Variants in HPGDS observed in about 807,000 individuals in gnomAD.
HPGDS encodes the protein hematopoietic prostaglandin D synthase, also known as GST class-sigma.
HPGDS carries 26 observed loss-of-function variants against 23.1 expected under a neutral mutation model. The ratio of observed to expected loss-of-function variants is 1.13; its 90% CI spans 0.83 to 1.56. The LOEUF (loss-of-function observed/expected upper bound fraction) is 1.56. Ranked by LOEUF, HPGDS falls within the 40% of genes most tolerant of loss-of-function variation. The probability of loss-of-function intolerance (pLI) is 0.00; values close to 1 mark genes in which losing one functional copy is unlikely to be tolerated. For synonymous variants in HPGDS, 95 were observed against 77.9 expected (o/e 1.22, Z -1.16); for missense variants, 268 against 236.4 (o/e 1.13, Z -0.88).
intron 2 of HPGDS, among the ~76,000 whole-genome samples, chr4:94,322,703 C>T (rs1031628742): frequency 6.6e-6 from 1 of 151,988 alleles, no homozygotes; most frequent in Non-Finnish European, 1.5e-5. Flanking sequence ...TTGATCTTTT[C>T]AAAAAATAAG....
intron 3 of HPGDS, among the ~76,000 whole-genome samples, chr4:94,312,124 G>A (rs1039681618): frequency 1.3e-5 from 2 of 151,930 alleles, no homozygotes; most frequent in Non-Finnish European, 2.9e-5. Flanking sequence ...AGGGTTTTTT[G>A]TGTCTCTATC....
At chr4:94,312,989 G>A (rs1167018662) in intron 3 of HPGDS, among the ~76,000 whole-genome samples, 2 of 151,790 alleles carry the variant, frequency 1.3e-5, no homozygotes, top group African/African-American at 4.8e-5. Flanking sequence ...CCATTTGCTT[G>A]GTAGATCTTC....
At chr4:94,325,824 G>C (rs1756619693) in intron 2 of HPGDS, among the ~76,000 whole-genome samples, 1 of 152,142 alleles carries the variant, frequency 6.6e-6, no homozygotes, top group South Asian at 2.1e-4. Context: ...GATGAACCAG[G>C]TACCTCAGTT....
chr4:94,302,309 A>AATCTACTTCCTCCTC, intron 4 of HPGDS, 65 bp from the exon 5 acceptor site: 12 of 1,105,364 alleles, frequency 1.1e-5, no homozygotes, highest in Non-Finnish European at 1.6e-5. Flanking sequence ...TCTGAGGAGG[A>AATCTACTTCCTCCTC]AGTAGATTTC....
chr4:94,329,077 C>T (rs963769738), intron 2 of HPGDS, among the ~76,000 whole-genome samples: 2 of 152,130 alleles, frequency 1.3e-5, no homozygotes, highest in African/African-American at 4.8e-5. Context: ...GTTGGGATGC[C>T]TTATTTGAAG....
chr4:94,325,073 A>G (rs1247544244), intron 2 of HPGDS, among the ~76,000 whole-genome samples: 3 of 152,184 alleles, frequency 2.0e-5, no homozygotes, highest in African/African-American at 4.8e-5. Flanking sequence ...CCTGTTTGCC[A>G]TTATATCACC....
At position 94,308,747 on chromosome 4, in the gene HPGDS, T is replaced by C; in HGVS notation, c.227-4A>G. The C allele has an allele frequency of 6.6e-7, 1 of 1,505,956 alleles. No individual in the cohort carries two copies. The allele number at this position is 1,505,956 out of a possible 1,614,324, so 93.3% of individuals were successfully genotyped here. A position where few individuals can be genotyped will look rare whatever the true frequency, so the allele number is the denominator to read the frequency against. ...ATTTCTGTGTTTCCAGCCAAATCTG[T>C]GGAATAGAGAGAGGCCCATCAATAT... On this transcript the variant is annotated splice_polypyrimidine_tract_variant and splice_region_variant and intron_variant, in intron 3 of 5. Coordinates refer to ENST00000295256, the MANE Select transcript of HPGDS (RefSeq NM_014485.3).
intron 2 of HPGDS, among the ~76,000 whole-genome samples, chr4:94,323,063 T>C (rs1452578701): frequency 2.6e-5 from 4 of 152,192 alleles, no homozygotes; most frequent in Non-Finnish European, 4.4e-5. Flanking sequence ...TTCCATGTAT[T>C]TGTGTGGTTT....
At chr4:94,329,643 G>A (rs887045400) in intron 2 of HPGDS, among the ~76,000 whole-genome samples, 16 of 152,264 alleles carry the variant, frequency 1.1e-4, no homozygotes, top group African/African-American at 3.9e-4. Flanking sequence ...AATTTTGTTC[G>A]CATTAGAGCC....
intron 4 of HPGDS, among the ~76,000 whole-genome samples, chr4:94,305,945 C>T (rs1371654250): frequency 6.6e-6 from 1 of 152,064 alleles, no homozygotes; most frequent in African/African-American, 2.4e-5. Flanking sequence ...TTCTGTTTCT[C>T]AGTGTCTTCA....
chr4:94,311,533 A>C (rs918167076), intron 3 of HPGDS, among the ~76,000 whole-genome samples: 1 of 151,238 alleles, frequency 6.6e-6, no homozygotes, highest in East Asian at 1.9e-4. Flanking sequence ...TGCTGGATTC[A>C]GTTTGCCAGT....
intron 3 of HPGDS, among the ~76,000 whole-genome samples, chr4:94,313,379 T>G (rs1182374928): frequency 6.6e-6 from 1 of 152,202 alleles, no homozygotes; most frequent in Non-Finnish European, 1.5e-5. Context: ...AAGGATTTTA[T>G]TTTTCCTTCA....
chr4:94,318,790 G>T (rs1560589744), intron 2 of HPGDS, among the ~76,000 whole-genome samples: 2 of 152,084 alleles, frequency 1.3e-5, no homozygotes, highest in Non-Finnish European at 2.9e-5. Context: ...TCAGCTCACT[G>T]CAACTTCCAC....
rs143156942 is a variant in HPGDS, at chr4:94,307,257, T to C, written c.336+1377A>G. 3.9e-3 allele frequency among the ~76,000 whole-genome samples: 591 copies of C among 151,330 alleles called. 3 individuals are homozygous for C. The highest frequency in any genetic ancestry group is 6.5e-3 in the Non-Finnish European group (438 of 67,880). On this transcript the variant is annotated intron_variant, in intron 4 of 5. Coordinates refer to ENST00000295256, the MANE Select transcript of HPGDS (RefSeq NM_014485.3). ...TATGACCAGTAAGCTCTTAGAGGAC[T>C]GTTCCACAAAAGCAAGGAAAGAAAA...
intron 2 of HPGDS, among the ~76,000 whole-genome samples, chr4:94,324,192 A>AT (rs1302436082): frequency 6.6e-6 from 1 of 151,792 alleles, no homozygotes; most frequent in African/African-American, 2.4e-5. Flanking sequence ...TGCCCTTAAC[A>AT]TTTTTTCCTT....
At chr4:94,336,861 C>A (rs79474435) in intron 1 of HPGDS, among the ~76,000 whole-genome samples, 1 of 152,046 alleles carries the variant, frequency 6.6e-6, no homozygotes, top group Non-Finnish European at 1.5e-5. Context: ...AATTCCTGGA[C>A]GTATTTGTTT....
At chr4:94,322,019 G>A (rs548842673) in intron 2 of HPGDS, among the ~76,000 whole-genome samples, 46 of 152,114 alleles carry the variant, frequency 3.0e-4, no homozygotes, top group Admixed American at 7.9e-4. Flanking sequence ...CTATTGAGAC[G>A]ATCATGTGGT....
intron 2 of HPGDS, among the ~76,000 whole-genome samples, chr4:94,323,628 C>T (rs1688063736): frequency 6.6e-6 from 1 of 152,114 alleles, no homozygotes; most frequent in Non-Finnish European, 1.5e-5. Context: ...AGATCTTCCT[C>T]CATCCCTTTA....
At chr4:94,302,863 T>A (rs1253762005) in intron 4 of HPGDS, among the ~76,000 whole-genome samples, 1 of 152,072 alleles carries the variant, frequency 6.6e-6, no homozygotes, top group Non-Finnish European at 1.5e-5. Flanking sequence ...ATTAACATCC[T>A]TAGGAAAATA....
Sources: allele counts gnomAD v4.1 joint callset (sites outside exome capture counted in the v4.1 genomes callset), GRCh38; gene constraint gnomAD v4.1.1; transcripts MANE v1.5; gene names NCBI Gene and HGNC (gene_info 2026-07-23, HGNC 2026-07-21).